PIKFYVE: variants seen among roughly 807,000 people sequenced by gnomAD.
The protein encoded by PIKFYVE is phosphoinositide kinase, FYVE-type zinc finger containing, also known as 1-phosphatidylinositol 3-phosphate 5-kinase.
Under a neutral mutation model 257.9 loss-of-function variants are expected in PIKFYVE, and 122 were observed. The observed-to-expected ratio is 0.47, with a 90% CI of 0.41 to 0.55. The LOEUF (loss-of-function observed/expected upper bound fraction) is 0.55, where lower values mean the gene tolerates loss of function less well. Among genes scored for constraint, PIKFYVE ranks in the 20% least tolerant of loss-of-function variants. PIKFYVE has a pLI of 0.00. For synonymous variants in PIKFYVE, 892 were observed against 868.9 expected (o/e 1.03, Z -0.47); for missense variants, 2,160 against 2,536.6 (o/e 0.85, Z 3.19).
At chr2:208,279,571 T>C (rs1029268212) in intron 5 of PIKFYVE, among the ~76,000 whole-genome samples, 1 of 152,194 alleles carries the variant, frequency 6.6e-6, no homozygotes, top group African/African-American at 2.4e-5. Flanking sequence ...TGAATTAATT[T>C]TCGTATATGA....
At chr2:208,305,360 C>T in intron 12 of PIKFYVE, 1 of 1,139,298 alleles carries the variant, frequency 8.8e-7, no homozygotes, top group Non-Finnish European at 1.1e-6. Context: ...TCTCTTTCTT[C>T]ATTTAACATT....
intron 12 of PIKFYVE, among the ~76,000 whole-genome samples, chr2:208,306,248 A>G (rs573024351): frequency 4.6e-5 from 7 of 152,240 alleles, no homozygotes; most frequent in Non-Finnish European, 7.3e-5. Flanking sequence ...GGAAATCCTC[A>G]AAACAGAAAT....
rs140875159 is a variant in PIKFYVE, at chr2:208,336,395, T to C, written c.4520+195T>C. 3.1e-3 allele frequency among the ~76,000 whole-genome samples: 465 copies of C among 152,312 alleles called. 2 individuals carry two copies. The highest frequency in any genetic ancestry group is 5.3e-3 in the Non-Finnish European group (360 of 68,028). Reference sequence around the variant, plus strand: ...GTATATTTTAGGTAGCTTGTGAAGATGTAAAAACCAAAGAGGAGAACAGCC... The same window carrying C: ...GTATATTTTAGGTAGCTTGTGAAGACGTAAAAACCAAAGAGGAGAACAGCC... On this transcript the variant is annotated intron_variant, in intron 27 of 41. Coordinates refer to ENST00000264380, the MANE Select transcript of PIKFYVE (RefSeq NM_015040.4).
At chr2:208,287,463 G>A (rs1281048799) in intron 6 of PIKFYVE, among the ~76,000 whole-genome samples, 5 of 151,818 alleles carry the variant, frequency 3.3e-5, no homozygotes, top group African/African-American at 1.2e-4. Context: ...TAGTAGGGAC[G>A]GGGTTTCATC....
intron 1 of PIKFYVE, among the ~76,000 whole-genome samples, chr2:208,266,852 A>T (rs2363464): frequency 0.99 from 151,305 of 152,346 alleles, 75,147 homozygotes; most frequent in Middle Eastern, 1. Context: ...GGTTCAAATA[A>T]GTGTTTGTCT....
chr2:208,314,554 G>T (rs903424937), intron 14 of PIKFYVE, 131 bp downstream of exon 14: 3 of 1,090,938 alleles, frequency 2.7e-6, no homozygotes, highest in South Asian at 1.5e-5. Context: ...AAATACTAAG[G>T]TTACTTAGGA....
At chr2:208,315,510 C>CTTTG (rs55976676) in intron 15 of PIKFYVE, 137 bp downstream of exon 15, 914,015 of 944,602 alleles carry the variant, frequency 0.97, 443,547 homozygotes, top group Non-Finnish European at 0.98. Context: ...TTGCTGTCTG[C>CTTTG]TTTGTTAGCA....
intron 12 of PIKFYVE, among the ~76,000 whole-genome samples, chr2:208,310,202 A>G (rs1694797953): frequency 6.6e-6 from 1 of 152,208 alleles, no homozygotes; most frequent in African/African-American, 2.4e-5. Context: ...TGAAAAAATA[A>G]TAGAATTCTT....
rs925170366 is a variant in PIKFYVE at position 208,338,568 on chromosome 2, G to A, written c.4672G>A (p.Glu1558Lys). ...ISPGLQNGEK[E>K]DRFLTTLSSQ... The stretch of plus-strand genomic sequence containing the variant: ...TCCAGGACTTCAGAATGGAGAAAAA[G>A]GTTGGTTCTTGAGTCTGGTGATCAC... Residue 1558 changes from glutamate to lysine, a missense_variant and splice_region_variant, in exon 29 of 42, where the codon GAG (glutamate) becomes AAG (lysine). Physicochemically the swap from Glu to Lys is moderately conservative, Grantham distance 56 (BLOSUM62 1). This residue lies in a region of PIKFYVE where 699 missense variants were observed against 855.8 expected (regional missense o/e 0.82). Coordinates refer to ENST00000264380, the MANE Select transcript of PIKFYVE (RefSeq NM_015040.4). 1 of 1,612,772 alleles carries A rather than the reference G, an allele frequency of 6.2e-7. No individual in the cohort carries two copies. The highest frequency in any genetic ancestry group is 8.5e-7 in the Non-Finnish European group (1 of 1,178,918).
At chr2:208,322,326 C>T (rs901050715) in intron 17 of PIKFYVE, among the ~76,000 whole-genome samples, 1 of 139,348 alleles carries the variant, frequency 7.2e-6, no homozygotes, top group Non-Finnish European at 1.5e-5. Context: ...TGAGCTATGA[C>T]GGCACCTCTG....
At chr2:208,286,906 A>G (rs13392207) in intron 6 of PIKFYVE, among the ~76,000 whole-genome samples, 2,002 of 152,282 alleles carry the variant, frequency 0.013, 51 homozygotes, top group African/African-American at 0.046. Context: ...GTTTTAAGTA[A>G]CATCTCTCTG....
At chr2:208,333,994 G>C (rs1697849379) in intron 24 of PIKFYVE, among the ~76,000 whole-genome samples, 1 of 152,174 alleles carries the variant, frequency 6.6e-6, no homozygotes, top group South Asian at 2.1e-4. Flanking sequence ...CTGAAAGTCT[G>C]TCAGAATTTT....
chr2:208,294,085 T>C (rs1228061908), intron 7 of PIKFYVE, among the ~76,000 whole-genome samples: 1 of 152,176 alleles, frequency 6.6e-6, no homozygotes, highest in Non-Finnish European at 1.5e-5. Flanking sequence ...TTGTCCCACA[T>C]TTCTTGGATA....
rs1189494643 is a variant in PIKFYVE at position 208,357,232 on chromosome 2, A to AT, written c.*1931dup. 6.6e-6 allele frequency: 1 copy of AT among 152,204 alleles called. No individual in the cohort carries two copies. Among genetic ancestry groups the AT allele is most frequent in the Non-Finnish European group, 1.5e-5 (1 of 68,028 alleles). 9.4% of individuals were successfully genotyped at this position (152,204 alleles called of 1,614,324 possible). On this transcript the variant is annotated 3_prime_UTR_variant, in exon 42 of 42. Coordinates refer to ENST00000264380, the MANE Select transcript of PIKFYVE (RefSeq NM_015040.4). ...CTTACTTTGTGTCTAGGAACAATGG[A>AT]TTTTGTATCTGATTTAAAATGCCAA...
chr2:208,337,060 G>A, intron 28 of PIKFYVE, 132 bp downstream of exon 28: 1 of 688,288 alleles, frequency 1.5e-6, no homozygotes, highest in Non-Finnish European at 2.5e-6. Flanking sequence ...TTTTGAATTT[G>A]TGAGGTTTCA....
Position 208,356,820 on chromosome 2 carries a change from T to C in PIKFYVE, c.*1515T>C, listed in dbSNP as rs1250754852. On this transcript the variant is annotated 3_prime_UTR_variant, in exon 42 of 42. Transcript: ENST00000264380. Reference sequence around the variant, plus strand: ...ACTTCTTTTTGTAACAAGGATAATTTAGGGATTTATAAAGTTGTAAGGATT... The same window carrying C: ...ACTTCTTTTTGTAACAAGGATAATTCAGGGATTTATAAAGTTGTAAGGATT... The C allele has an allele frequency of 1.3e-5, 2 of 152,670 alleles. No individual in the cohort carries two copies. The highest frequency in any genetic ancestry group is 2.9e-5 in the Non-Finnish European group (2 of 68,052). The allele number at this position is 152,670 out of a possible 1,614,324, so 9.5% of individuals were successfully genotyped here.
chr2:208,308,579 C>G (rs1694613114), intron 12 of PIKFYVE, among the ~76,000 whole-genome samples: 1 of 152,052 alleles, frequency 6.6e-6, no homozygotes, highest in Non-Finnish European at 1.5e-5. Flanking sequence ...TGACTAGCAT[C>G]TCCCCATTCC....
intron 3 of PIKFYVE, among the ~76,000 whole-genome samples, chr2:208,276,462 A>G (rs1226081012): frequency 6.6e-6 from 1 of 152,178 alleles, no homozygotes; most frequent in Non-Finnish European, 1.5e-5. Context: ...GAAAACCATC[A>G]ATGGTCTCAG....
intron 7 of PIKFYVE, among the ~76,000 whole-genome samples, chr2:208,289,244 TGA>T (rs1691980709): frequency 6.6e-6 from 1 of 152,134 alleles, no homozygotes; most frequent in Non-Finnish European, 1.5e-5. Flanking sequence ...TTACTCTGAG[TGA>T]GATGGGAAGC....
Sources: allele counts gnomAD v4.1 joint callset (sites outside exome capture counted in the v4.1 genomes callset), GRCh38; gene constraint gnomAD v4.1.1; regional missense constraint gnomAD v4.1.1; transcripts MANE v1.5; gene names NCBI Gene and HGNC (gene_info 2026-07-23, HGNC 2026-07-21).